The following SLC24A2 variants were observed in gnomAD, a reference collection of about 807,000 sequenced individuals.
The protein encoded by SLC24A2 is sodium/potassium/calcium exchanger 2.
Under a neutral mutation model 62.0 loss-of-function variants are expected in SLC24A2, and 36 were observed. The observed-to-expected ratio is 0.58, with a 90% CI of 0.44 to 0.77. SLC24A2 has a LOEUF of 0.77. Ranked by LOEUF, SLC24A2 falls within the 30% of genes least tolerant of loss-of-function variation. The pLI is 0.00. For missense variants in SLC24A2, 846 were observed against 817.9 expected (o/e 1.03, Z -0.42); for synonymous variants, 358 against 294.0 (o/e 1.22, Z -2.23).
At chr9:19,742,120 A>G (rs1226832322) in intron 2 of SLC24A2, among the ~76,000 whole-genome samples, 1 of 152,218 alleles carries the variant, frequency 6.6e-6, no homozygotes, top group Non-Finnish European at 1.5e-5. Context: ...GCCAAATTCT[A>G]TCTCAGAAGC....
chr9:19,595,163 T>C (rs952071425), intron 5 of SLC24A2, among the ~76,000 whole-genome samples: 5 of 152,222 alleles, frequency 3.3e-5, no homozygotes, highest in Non-Finnish European at 7.3e-5. Context: ...ATTTATTATA[T>C]GCTGCAGTAC....
chr9:19,534,594 G>GA (rs1304334023), intron 8 of SLC24A2, among the ~76,000 whole-genome samples: 1 of 151,676 alleles, frequency 6.6e-6, no homozygotes, highest in Non-Finnish European at 1.5e-5. Context: ...ACTTATGAGT[G>GA]AAAAAAATGC....
chr9:19,794,911 T>G, the SLC24A2 span, among the ~76,000 whole-genome samples: 1 of 152,182 alleles, frequency 6.6e-6, no homozygotes, highest in Non-Finnish European at 1.5e-5. Flanking sequence ...TCCTGCTGCC[T>G]TCTTTCCTAA....
intron 2 of SLC24A2, among the ~76,000 whole-genome samples, chr9:19,768,759 G>C (rs111760994): frequency 1.3e-5 from 2 of 152,148 alleles, no homozygotes; most frequent in Non-Finnish European, 2.9e-5. Context: ...GTGGTTGACC[G>C]TGGGTAATTG....
At chr9:20,137,698 C>T in the SLC24A2 span, among the ~76,000 whole-genome samples, 14 of 152,094 alleles carry the variant, frequency 9.2e-5, no homozygotes, top group African/African-American at 1.9e-4. Context: ...CTTACTACAC[C>T]GCTCAATAAA....
the SLC24A2 span, among the ~76,000 whole-genome samples, chr9:19,963,534 C>G: frequency 1.2e-4 from 18 of 152,202 alleles, no homozygotes; most frequent in African/African-American, 3.9e-4. Flanking sequence ...AAAAAACAAA[C>G]AACCCCATCA....
chr9:19,869,009 T>G, the SLC24A2 span, among the ~76,000 whole-genome samples: 2 of 152,192 alleles, frequency 1.3e-5, no homozygotes, highest in African/African-American at 4.8e-5. Flanking sequence ...TGAGACATGG[T>G]CTCACTCTGT....
the SLC24A2 span, among the ~76,000 whole-genome samples, chr9:19,897,741 A>T: frequency 6.6e-6 from 1 of 152,306 alleles, no homozygotes; most frequent in Non-Finnish European, 1.5e-5. Context: ...CCTTATTTTA[A>T]AATGAGGTAA....
At chr9:19,523,927 T>C (rs779327401) in intron 9 of SLC24A2, among the ~76,000 whole-genome samples, 2 of 152,118 alleles carry the variant, frequency 1.3e-5, no homozygotes, top group East Asian at 1.9e-4. Flanking sequence ...GGTGAATCTG[T>C]GTGGCTCTAG....
At chr9:19,871,680 G>A in the SLC24A2 span, among the ~76,000 whole-genome samples, 148,475 of 152,300 alleles carry the variant, frequency 0.97, 72,473 homozygotes, top group East Asian at 1. Context: ...AAAACTATGT[G>A]TAGAAGATGT....
chr9:19,937,907 T>C, the SLC24A2 span, among the ~76,000 whole-genome samples: 1 of 152,196 alleles, frequency 6.6e-6, no homozygotes, highest in African/African-American at 2.4e-5. Context: ...AATATAACTT[T>C]TACACTAACA....
intron 2 of SLC24A2, among the ~76,000 whole-genome samples, chr9:19,681,382 T>C (rs1235775179): frequency 6.6e-6 from 1 of 152,110 alleles, no homozygotes; most frequent in Non-Finnish European, 1.5e-5. Context: ...TCCCTATCTC[T>C]TTTCTCTCCT....
At chr9:19,905,085 T>C in the SLC24A2 span, among the ~76,000 whole-genome samples, 15 of 152,200 alleles carry the variant, frequency 9.9e-5, no homozygotes. Context: ...TCTCAATTAA[T>C]AGATAAAGTA....
the SLC24A2 span, among the ~76,000 whole-genome samples, chr9:20,001,167 T>G: frequency 6.6e-6 from 1 of 152,222 alleles, no homozygotes; most frequent in Non-Finnish European, 1.5e-5. Context: ...TGGCAGAGCC[T>G]GCATTGTCCC....
the SLC24A2 span, among the ~76,000 whole-genome samples, chr9:20,281,880 T>C: frequency 6.6e-6 from 1 of 152,210 alleles, no homozygotes; most frequent in Admixed American, 6.5e-5. Context: ...CAACGTACAT[T>C]TATTTAAGTC....
the SLC24A2 span, among the ~76,000 whole-genome samples, chr9:20,108,622 C>T: frequency 2.0e-5 from 3 of 150,696 alleles, no homozygotes; most frequent in African/African-American, 7.3e-5. Flanking sequence ...ACTGCATATT[C>T]TCACTCATAG....
chr9:19,668,368 C>G (rs1819318001), intron 2 of SLC24A2, among the ~76,000 whole-genome samples: 1 of 152,106 alleles, frequency 6.6e-6, no homozygotes, highest in East Asian at 1.9e-4. Context: ...ATTGCACAGC[C>G]CAGATGCTCC....
At chr9:19,544,484 G>A (rs550456702) in intron 8 of SLC24A2, among the ~76,000 whole-genome samples, 1 of 152,148 alleles carries the variant, frequency 6.6e-6, no homozygotes, top group Admixed American at 6.5e-5. Flanking sequence ...GATGCTAACT[G>A]GTTATTTTGC....
At chr9:19,936,718 G>A in the SLC24A2 span, among the ~76,000 whole-genome samples, 3 of 152,180 alleles carry the variant, frequency 2.0e-5, no homozygotes, top group African/African-American at 7.2e-5. Flanking sequence ...AACATTTGGA[G>A]GTGGAGGAGG....
Sources: gnomAD v4.1 joint callset for allele counts (sites outside exome capture counted in the v4.1 genomes callset) on GRCh38, gnomAD v4.1.1 for gene constraint, MANE v1.5 for transcripts, NCBI Gene and HGNC (gene_info 2026-07-23, HGNC 2026-07-21) for gene names.